The following DPYSL3 variants were observed in gnomAD, a reference collection of about 807,000 sequenced individuals.
DPYSL3 encodes dihydropyrimidinase-related protein 3.
DPYSL3 carries 16 observed loss-of-function variants against 66.1 expected under a neutral mutation model. The ratio of observed to expected loss-of-function variants is 0.24; its 90% CI spans 0.16 to 0.37. The LOEUF is 0.37. Ranked by LOEUF, DPYSL3 falls within the 10% of genes least tolerant of loss-of-function variation. The pLI, the probability that DPYSL3 is intolerant of heterozygous loss-of-function variation, is 1.00. For synonymous variants in DPYSL3, 338 were observed against 345.1 expected, an observed-to-expected ratio of 0.98 and a Z score of 0.23; for missense variants, 738 against 916.2, an observed-to-expected ratio of 0.81 and a Z score of 2.51.
chr5:147,406,996 C>T (rs1050978169), intron 7 of DPYSL3, among the ~76,000 whole-genome samples: 3 of 152,138 alleles, frequency 2.0e-5, no homozygotes, highest in Non-Finnish European at 4.4e-5. Context: ...ATATGGACAC[C>T]TTCCTGAAGC....
Position 147,393,124 on chromosome 5 carries a change from G to A in DPYSL3, c.*911C>T, listed in dbSNP as rs979201396. On this transcript the variant is annotated 3_prime_UTR_variant, in exon 14 of 14. Transcript: ENST00000343218. ...GTTTGCAAAGACAGAAGAGTGAGAG[G>A]TGACCTCGCCGTGTTTAGAAGGAAG... 4 of 152,198 alleles carry A rather than the reference G, an allele frequency of 2.6e-5. No individual in the cohort carries two copies. The highest frequency in any genetic ancestry group is 9.7e-5 in the African/African-American group (4 of 41,446). The allele number at this position is 152,198 out of a possible 1,614,324, so 9.4% of individuals were successfully genotyped here.
chr5:147,435,414 G>A (rs980291315), intron 1 of DPYSL3, among the ~76,000 whole-genome samples: 1 of 152,170 alleles, frequency 6.6e-6, no homozygotes, highest in African/African-American at 2.4e-5. Flanking sequence ...TGGAAGCTTA[G>A]GGAGGTTAGC....
At chr5:147,462,268 CACATGA>C (rs1752944931) in intron 1 of DPYSL3, among the ~76,000 whole-genome samples, 1 of 152,140 alleles carries the variant, frequency 6.6e-6, no homozygotes, top group Non-Finnish European at 1.5e-5. Context: ...AAAAACTGTA[CACATGA>C]ACAATCTTGA....
intron 1 of DPYSL3, among the ~76,000 whole-genome samples, chr5:147,485,994 A>G (rs1209394300): frequency 6.6e-6 from 1 of 152,216 alleles, no homozygotes; most frequent in Non-Finnish European, 1.5e-5. Context: ...TCTGATATAT[A>G]CATACAATGG....
chr5:147,436,540 TGTA>T (rs1752417766), intron 1 of DPYSL3, among the ~76,000 whole-genome samples: 1 of 152,218 alleles, frequency 6.6e-6, no homozygotes, highest in Admixed American at 6.5e-5. Context: ...AGAGAGAGGT[TGTA>T]GGGGTCCTTT....
Position 147,509,597 on chromosome 5 carries a change from T to A in DPYSL3, c.262A>T (p.Arg88Trp), listed in dbSNP as rs760323522. ...CTGCTCTCTTCCCGGCCTTGGCCCCTGCGCGGGGTGTCCCCCTCGATCCCG... is the reference window on the plus strand; with the variant it reads ...CTGCTCTCTTCCCGGCCTTGGCCCCAGCGCGGGGTGTCCCCCTCGATCCCG... ...RPGIEGDTPRRGQGREESREP... is the reference protein window; with the variant it reads ...RPGIEGDTPRWGQGREESREP... Residue 88 changes from arginine to tryptophan, a missense_variant, in exon 1 of 14, where the codon AGG becomes TGG. By Grantham distance (101) the Arg-to-Trp change is moderately radical. Coordinates refer to ENST00000343218, the MANE Select transcript of DPYSL3 (RefSeq NM_001197294.2). This position sits in a 1 kb window ranked among gnomAD's most constrained non-coding sequence, Gnocchi z 5.3. 6.5e-7 allele frequency: 1 copy of A among 1,535,462 alleles called. No individual in the cohort carries two copies.
intron 1 of DPYSL3, among the ~76,000 whole-genome samples, chr5:147,482,065 T>C (rs1447986150): frequency 6.6e-6 from 1 of 152,144 alleles, no homozygotes; most frequent in Non-Finnish European, 1.5e-5. Flanking sequence ...TCACTCAAGA[T>C]TGCTCACTAA....
intron 1 of DPYSL3, among the ~76,000 whole-genome samples, chr5:147,488,694 T>C (rs1753371821): frequency 6.6e-6 from 1 of 151,790 alleles, no homozygotes; most frequent in African/African-American, 2.4e-5. Context: ...GCAGCCTGGG[T>C]GACAGAGTGA....
chr5:147,402,055 C>T (rs1758197387), intron 8 of DPYSL3: 1 of 201,522 alleles, frequency 5.0e-6, no homozygotes, highest in Non-Finnish European at 9.8e-6. Flanking sequence ...GTAATGGGTT[C>T]CATGTATACC....
chr5:147,404,257 G>T (rs1251924934), intron 8 of DPYSL3, among the ~76,000 whole-genome samples: 3 of 152,216 alleles, frequency 2.0e-5, no homozygotes, highest in Admixed American at 6.5e-5. Context: ...AAAACAGCAG[G>T]CCTACGAAGA....
chr5:147,434,963 C>T (rs942668825), intron 1 of DPYSL3, among the ~76,000 whole-genome samples: 2 of 152,106 alleles, frequency 1.3e-5, no homozygotes, highest in East Asian at 1.9e-4. Context: ...CATACCACAC[C>T]AATGTAAGGT....
At chr5:147,485,872 A>G (rs1483321799) in intron 1 of DPYSL3, among the ~76,000 whole-genome samples, 1 of 152,236 alleles carries the variant, frequency 6.6e-6, no homozygotes, top group Admixed American at 6.5e-5. Context: ...ATATTTGTGA[A>G]CAGAATTAAT....
At chr5:147,444,269 C>G (rs1752589950) in intron 1 of DPYSL3, among the ~76,000 whole-genome samples, 1 of 152,082 alleles carries the variant, frequency 6.6e-6, no homozygotes, top group Non-Finnish European at 1.5e-5. Context: ...TACTTAATCT[C>G]TCTAAATTTC....
intron 1 of DPYSL3, among the ~76,000 whole-genome samples, chr5:147,431,376 G>C (rs1752312222): frequency 6.6e-6 from 1 of 152,062 alleles, no homozygotes; most frequent in Non-Finnish European, 1.5e-5. Context: ...CACTACCCGT[G>C]TTTGGATAAA....
chr5:147,502,780 G>A (rs1753631559), intron 1 of DPYSL3, among the ~76,000 whole-genome samples: 1 of 151,990 alleles, frequency 6.6e-6, no homozygotes, highest in Admixed American at 6.6e-5. Context: ...GTTTCACCGT[G>A]TTAGCCAGGA....
At chr5:147,442,783 A>G (rs1752557948) in intron 1 of DPYSL3, among the ~76,000 whole-genome samples, 1 of 144,884 alleles carries the variant, frequency 6.9e-6, no homozygotes, top group African/African-American at 2.9e-5. Context: ...TGCAATGAAA[A>G]GTAAGGCATA....
chr5:147,502,132 G>C (rs756954801), intron 1 of DPYSL3, among the ~76,000 whole-genome samples: 11 of 152,022 alleles, frequency 7.2e-5, no homozygotes, highest in Non-Finnish European at 1.5e-4. Flanking sequence ...CTGCCTTCTA[G>C]CTGTGTTCTC....
chr5:147,430,348 A>C (rs2126344270), intron 1 of DPYSL3, among the ~76,000 whole-genome samples: 1 of 151,886 alleles, frequency 6.6e-6, no homozygotes, highest in South Asian at 2.1e-4. Context: ...ATACAAAAAG[A>C]AAAAGAAAAA....
Position 147,395,573 on chromosome 5 carries a change from C to T in DPYSL3, c.1952G>A (p.Gly651Glu). The change falls in exon 13 of 14, where the codon GGA becomes GAA. Residue 651 changes from glycine to glutamate, a missense_variant. Coordinates refer to ENST00000343218, the MANE Select transcript of DPYSL3 (RefSeq NM_001197294.2). ...NPPVRNLHQS[G>E]FSLSGTQVDE... ...GTCCCACTCACCTGACAGGCTAAAT[C>T]CCGACTGATGAAGATTCCTCACAGG... 3 of 1,612,840 alleles carry T rather than the reference C, an allele frequency of 1.9e-6. No individual in the cohort carries two copies. The highest frequency in any genetic ancestry group is 2.5e-6 in the Non-Finnish European group (3 of 1,179,482).
Sources: gnomAD v4.1 joint callset for allele counts (sites outside exome capture counted in the v4.1 genomes callset) on GRCh38, gnomAD v4.1.1 for gene constraint, Gnocchi (gnomAD v3.1) non-coding constraint, MANE v1.5 for transcripts, NCBI Gene and HGNC (gene_info 2026-07-23, HGNC 2026-07-21) for gene names.